Variants in VWC2L observed in about 807,000 individuals in gnomAD.
The protein encoded by VWC2L is von Willebrand factor C domain containing 2 like, also known as von Willebrand factor C domain-containing protein 2-like.
In VWC2L, 10 loss-of-function variants were observed where a neutral mutation model predicts 21.6. The observed-to-expected ratio is 0.46, with a 90% CI of 0.29 to 0.78. The LOEUF (loss-of-function observed/expected upper bound fraction) is 0.78. Among genes scored for constraint, VWC2L ranks in the 30% least tolerant of loss-of-function variants. The pLI is 0.10. For synonymous variants in VWC2L, 96 were observed against 94.3 expected (o/e 1.02, Z -0.10); for missense variants, 209 against 277.1 (o/e 0.75, Z 1.74).
At chr2:214,539,801 C>T (rs10192241) in intron 3 of VWC2L, among the ~76,000 whole-genome samples, 78,607 of 151,918 alleles carry the variant, frequency 0.52, 21,706 homozygotes, top group East Asian at 0.73. Flanking sequence ...ATCACTGATA[C>T]TGGAAAATAC....
chr2:214,541,888 G>C (rs996697768), intron 3 of VWC2L, among the ~76,000 whole-genome samples: 3 of 149,670 alleles, frequency 2.0e-5, no homozygotes, highest in Non-Finnish European at 3.0e-5. Context: ...TTAGAGTTCT[G>C]GGGAAGAGTA....
chr2:214,457,834 T>G (rs1256229925), intron 3 of VWC2L, among the ~76,000 whole-genome samples: 1 of 152,098 alleles, frequency 6.6e-6, no homozygotes, highest in Admixed American at 6.5e-5. Flanking sequence ...CATGGTGCAT[T>G]ATCTTTTGCA....
chr2:214,526,371 G>A (rs1204877472), intron 3 of VWC2L, among the ~76,000 whole-genome samples: 2 of 152,062 alleles, frequency 1.3e-5, no homozygotes, highest in Non-Finnish European at 2.9e-5. Flanking sequence ...AGTGAAAATG[G>A]ATTAATCCTC....
chr2:214,464,542 A>G (rs903384278), intron 3 of VWC2L, among the ~76,000 whole-genome samples: 7 of 152,144 alleles, frequency 4.6e-5, no homozygotes, highest in African/African-American at 1.7e-4. Flanking sequence ...GTGTGACACA[A>G]GCACTCCTGT....
At chr2:214,492,176 G>C (rs1289148621) in intron 3 of VWC2L, among the ~76,000 whole-genome samples, 1 of 152,172 alleles carries the variant, frequency 6.6e-6, no homozygotes, top group Admixed American at 6.5e-5. Context: ...TTTTCTGTGT[G>C]TAGTTCTGGG....
At chr2:214,452,948 G>GA (rs1376471676) in intron 3 of VWC2L, among the ~76,000 whole-genome samples, 4 of 152,104 alleles carry the variant, frequency 2.6e-5, no homozygotes, top group Non-Finnish European at 5.9e-5. Context: ...TCAGTTTGAA[G>GA]AATTCTTTAT....
intron 3 of VWC2L, among the ~76,000 whole-genome samples, chr2:214,456,507 C>A (rs766665095): frequency 2.6e-4 from 39 of 152,106 alleles, no homozygotes; most frequent in Admixed American, 2.3e-3. Flanking sequence ...TACTTTCTCC[C>A]ATTCAACTTA....
At chr2:214,516,658 A>T (rs200868334) in intron 3 of VWC2L, among the ~76,000 whole-genome samples, 58,872 of 140,624 alleles carry the variant, frequency 0.42, 12,085 homozygotes, top group East Asian at 0.73. Flanking sequence ...TTTGAAATTA[A>T]AAAAAAAAAA....
At chr2:214,482,783 G>C (rs928718462) in intron 3 of VWC2L, among the ~76,000 whole-genome samples, 2 of 151,718 alleles carry the variant, frequency 1.3e-5, no homozygotes, top group Non-Finnish European at 2.9e-5. Context: ...TAATAATAAG[G>C]TTTATTTAAC....
chr2:214,547,896 G>A (rs1482703270), intron 3 of VWC2L, among the ~76,000 whole-genome samples: 6 of 152,310 alleles, frequency 3.9e-5, no homozygotes, highest in Admixed American at 1.3e-4. Flanking sequence ...ACAGTGAATA[G>A]TATGCCATAG....
intron 3 of VWC2L, among the ~76,000 whole-genome samples, chr2:214,507,748 T>C (rs1688987426): frequency 6.6e-6 from 1 of 152,242 alleles, no homozygotes; most frequent in Non-Finnish European, 1.5e-5. Flanking sequence ...CCCGTATTTC[T>C]ATTGAACAGC....
At chr2:214,540,265 T>A (rs750577670) in intron 3 of VWC2L, among the ~76,000 whole-genome samples, 8 of 152,200 alleles carry the variant, frequency 5.3e-5, no homozygotes, top group South Asian at 4.1e-4. Flanking sequence ...TTTTATGGAA[T>A]CTTCATGTGC....
At chr2:214,474,933 C>A (rs1381205449) in intron 3 of VWC2L, among the ~76,000 whole-genome samples, 1 of 152,066 alleles carries the variant, frequency 6.6e-6, no homozygotes, top group Non-Finnish European at 1.5e-5. Flanking sequence ...AAAAGTAATA[C>A]CAACCTGGAC....
chr2:214,427,063 A>C (rs1248273802), intron 2 of VWC2L, among the ~76,000 whole-genome samples: 1 of 152,232 alleles, frequency 6.6e-6, no homozygotes, highest in Non-Finnish European at 1.5e-5. Flanking sequence ...AGAGATTAAA[A>C]ACAAAATTCT....
chr2:214,548,472 T>C (rs73074656), intron 3 of VWC2L, among the ~76,000 whole-genome samples: 4,696 of 152,256 alleles, frequency 0.031, 88 homozygotes, highest in Middle Eastern at 0.11. Context: ...ATGATATAAA[T>C]ACTCTAAAAC....
intron 3 of VWC2L, among the ~76,000 whole-genome samples, chr2:214,490,459 T>C (rs947444414): frequency 2.0e-5 from 3 of 152,112 alleles, no homozygotes; most frequent in African/African-American, 7.2e-5. Context: ...AAAGTCACAT[T>C]GAAGCATATA....
At chr2:214,445,164 A>C (rs1702820129) in intron 3 of VWC2L, among the ~76,000 whole-genome samples, 1 of 151,990 alleles carries the variant, frequency 6.6e-6, no homozygotes, top group Non-Finnish European at 1.5e-5. Flanking sequence ...TACTGGTAAG[A>C]GTGTAAATGA....
intron 3 of VWC2L, among the ~76,000 whole-genome samples, chr2:214,461,287 G>A (rs1217373588): frequency 6.6e-6 from 1 of 152,208 alleles, no homozygotes; most frequent in Non-Finnish European, 1.5e-5. Context: ...GGCCTGGACA[G>A]TTGAGTAGGT....
intron 2 of VWC2L, among the ~76,000 whole-genome samples, chr2:214,425,498 A>G (rs1033233937): frequency 5.9e-5 from 9 of 152,212 alleles, no homozygotes; most frequent in African/African-American, 2.2e-4. Flanking sequence ...AAAATTCTCA[A>G]ATAAAACAGA....
Sources: allele counts gnomAD v4.1 joint callset (sites outside exome capture counted in the v4.1 genomes callset), GRCh38; gene constraint gnomAD v4.1.1; transcripts MANE v1.5; gene names NCBI Gene and HGNC (gene_info 2026-07-23, HGNC 2026-07-21).